The following LARGE1 variants were observed in gnomAD, a reference collection of about 807,000 sequenced individuals.
LARGE1 encodes LARGE xylosyl- and glucuronyltransferase 1, also known as xylosyl- and glucuronyltransferase LARGE1.
In LARGE1, 43 loss-of-function variants were observed where a neutral mutation model predicts 87.6. The ratio of observed to expected loss-of-function variants is 0.49; its 90% CI spans 0.38 to 0.63. The LOEUF (loss-of-function observed/expected upper bound fraction) is 0.63, where lower values mean the gene tolerates loss of function less well. Ranked by LOEUF, LARGE1 falls within the 30% of genes least tolerant of loss-of-function variation. The pLI is 0.00. For missense variants in LARGE1, 802 were observed against 1,000.2 expected (o/e 0.80, Z 2.67); for synonymous variants, 434 against 394.6 (o/e 1.10, Z -1.18).
At chr22:33,135,049 G>T in the LARGE1 span, among the ~76,000 whole-genome samples, 2 of 152,204 alleles carry the variant, frequency 1.3e-5, no homozygotes, top group Admixed American at 1.3e-4. Context: ...AGAAGAGCAG[G>T]ATTGAACCAT....
chr22:33,578,518 A>G (rs1318944869), intron 5 of LARGE1, among the ~76,000 whole-genome samples: 1 of 152,204 alleles, frequency 6.6e-6, no homozygotes, highest in Non-Finnish European at 1.5e-5. Flanking sequence ...TATGTTTATA[A>G]TAACAATCGC....
intron 2 of LARGE1, among the ~76,000 whole-genome samples, chr22:33,667,696 G>A (rs964171417): frequency 6.6e-6 from 1 of 152,224 alleles, no homozygotes; most frequent in Non-Finnish European, 1.5e-5. Flanking sequence ...ACTGTCATCT[G>A]TTAAATGGGG....
intron 11 of LARGE1, among the ~76,000 whole-genome samples, chr22:33,306,811 T>A: frequency 6.6e-6 from 1 of 150,490 alleles, no homozygotes; most frequent in East Asian, 2.0e-4. Flanking sequence ...GGGGTGGAGG[T>A]TGCAGTGAGC....
chr22:33,738,786 A>G (rs1186045032), intron 2 of LARGE1, among the ~76,000 whole-genome samples: 1 of 151,138 alleles, frequency 6.6e-6, no homozygotes, highest in Non-Finnish European at 1.5e-5. Context: ...CGGAGCTTGC[A>G]GTAAGCCAAG....
At chr22:33,167,642 C>T (rs1922344240) in intron 11 of LARGE1, among the ~76,000 whole-genome samples, 1 of 152,200 alleles carries the variant, frequency 6.6e-6, no homozygotes. Context: ...AACCAGATTG[C>T]TAGTTAAAAG....
intron 7 of LARGE1, among the ~76,000 whole-genome samples, chr22:33,404,577 C>T (rs1163612053): frequency 6.6e-6 from 1 of 152,216 alleles, no homozygotes; most frequent in South Asian, 2.1e-4. Flanking sequence ...GGCAAACCCA[C>T]AGGCTGTCCT....
At chr22:33,752,726 T>C (rs918572732) in intron 2 of LARGE1, among the ~76,000 whole-genome samples, 2 of 152,120 alleles carry the variant, frequency 1.3e-5, no homozygotes, top group African/African-American at 4.8e-5. Flanking sequence ...AAGAAGAGGA[T>C]GGAGAGAATG....
chr22:33,904,312 C>T (rs374752305), intron 1 of LARGE1, among the ~76,000 whole-genome samples: 9 of 152,240 alleles, frequency 5.9e-5, no homozygotes, highest in East Asian at 1.9e-4. Context: ...TGTGCCACCA[C>T]GCTTGGCTAA....
chr22:33,379,450 C>T (rs1029006946), intron 9 of LARGE1, among the ~76,000 whole-genome samples: 1 of 151,956 alleles, frequency 6.6e-6, no homozygotes, highest in African/African-American at 2.4e-5. Flanking sequence ...GTGTGATGTT[C>T]CCCACCCTGT....
chr22:33,751,288 C>A (rs973744035), intron 2 of LARGE1, among the ~76,000 whole-genome samples: 1 of 152,108 alleles, frequency 6.6e-6, no homozygotes, highest in Admixed American at 6.5e-5. Flanking sequence ...CGAGACCAGC[C>A]TGGCCAACAT....
intron 9 of LARGE1, among the ~76,000 whole-genome samples, chr22:33,342,970 A>C (rs918480702): frequency 6.6e-6 from 1 of 152,206 alleles, no homozygotes; most frequent in Non-Finnish European, 1.5e-5. Flanking sequence ...TTGTGCTAGG[A>C]TCTAAATAAA....
intron 2 of LARGE1, among the ~76,000 whole-genome samples, chr22:33,717,281 A>G (rs954828402): frequency 3.3e-5 from 5 of 152,190 alleles, no homozygotes; most frequent in African/African-American, 1.2e-4. Flanking sequence ...CAACGAAACC[A>G]GGCTCTAGAA....
At chr22:33,782,672 C>G (rs533070927) in intron 1 of LARGE1, among the ~76,000 whole-genome samples, 177 of 152,140 alleles carry the variant, frequency 1.2e-3, no homozygotes, top group Non-Finnish European at 1.8e-3. Context: ...CAAGACCATC[C>G]TGGCCAACAT....
chr22:33,306,861 CAA>C (rs200525916), intron 11 of LARGE1, among the ~76,000 whole-genome samples: 30 of 101,288 alleles, frequency 3.0e-4, no homozygotes, highest in East Asian at 9.6e-4. Flanking sequence ...GAATCTGTCT[CAA>C]AAAAAAAAAA....
chr22:33,721,419 C>T (rs761952993), intron 2 of LARGE1, among the ~76,000 whole-genome samples: 1 of 152,194 alleles, frequency 6.6e-6, no homozygotes, highest in African/African-American at 2.4e-5. Flanking sequence ...GGGTGCCATG[C>T]TTGATAACCA....
chr22:33,100,225 G>A, the LARGE1 span, among the ~76,000 whole-genome samples: 1 of 151,748 alleles, frequency 6.6e-6, no homozygotes, highest in Non-Finnish European at 1.5e-5. Context: ...GTGTATGCCT[G>A]TAACCCCAGC....
At chr22:33,594,561 T>A (rs1602620833) in intron 5 of LARGE1, among the ~76,000 whole-genome samples, 1 of 152,230 alleles carries the variant, frequency 6.6e-6, no homozygotes, top group Non-Finnish European at 1.5e-5. Flanking sequence ...TTTCTTGTTT[T>A]GATCCCAACT....
At chr22:33,560,306 AAC>A (rs2148755144) in intron 6 of LARGE1, among the ~76,000 whole-genome samples, 1 of 152,232 alleles carries the variant, frequency 6.6e-6, no homozygotes, top group African/African-American at 2.4e-5. Flanking sequence ...TGTAAGGAAC[AAC>A]ACAGAGTCTA....
chr22:33,185,909 A>C (rs997108852), intron 11 of LARGE1, among the ~76,000 whole-genome samples: 4 of 152,160 alleles, frequency 2.6e-5, no homozygotes, highest in African/African-American at 9.6e-5. Flanking sequence ...TATTATAAAG[A>C]ATTTATAAGT....
Sources: gnomAD v4.1 joint callset for allele counts (sites outside exome capture counted in the v4.1 genomes callset) on GRCh38, gnomAD v4.1.1 for gene constraint, MANE v1.5 for transcripts, NCBI Gene and HGNC (gene_info 2026-07-23, HGNC 2026-07-21) for gene names.